The following GET4 variants were observed in gnomAD, a reference collection of about 807,000 sequenced individuals.
GET4 encodes the protein Golgi to ER traffic protein 4 homolog.
GET4 carries 20 observed loss-of-function variants against 40.0 expected under a neutral mutation model. The ratio of observed to expected loss-of-function variants is 0.50; its 90% CI spans 0.35 to 0.73. GET4 has a LOEUF of 0.73. Among genes scored for constraint, GET4 ranks in the 30% least tolerant of loss-of-function variants. GET4 has a pLI of 0.01. For missense variants in GET4, 557 were observed against 454.0 expected (o/e 1.23, Z -2.06); for synonymous variants, 280 against 194.6 (o/e 1.44, Z -3.65).
chr7:892,544 T>C, intron 6 of GET4, 126 bp downstream of exon 6: 2 of 979,562 alleles, frequency 2.0e-6, no homozygotes, highest in Non-Finnish European at 3.1e-6. Context: ...TGTGGGTATA[T>C]GCATAGGGTA....
intron 6 of GET4, among the ~76,000 whole-genome samples, chr7:893,457 TGGGCGC>T (rs1189345034): frequency 4.5e-4 from 62 of 138,888 alleles, no homozygotes; most frequent in African/African-American, 1.5e-3. Context: ...AGGTGAGTGT[TGGGCGC>T]GGGCGCGGTG....
chr7:890,954 C>A lies in GET4; in HGVS notation c.493C>A (p.His165Asn). 1 of 1,607,712 alleles carries A rather than the reference C, an allele frequency of 6.2e-7. No individual in the cohort carries two copies. Among genetic ancestry groups the A allele is most frequent in the Non-Finnish European group, 8.5e-7 (1 of 1,174,400 alleles). Residue 165 changes from histidine (H) to asparagine (N), a missense_variant, in exon 5 of 9, where the codon CAT becomes AAT. His to Asn is a moderately conservative substitution (Grantham distance 68, BLOSUM62 1). Coordinates refer to ENST00000265857, the MANE Select transcript of GET4 (RefSeq NM_015949.3). ...ACAAAACTATTGTGAGTCGAGGTAT[C>A]ATTTTCTGCACTCAGCGGACGGGGA... is the stretch of plus-strand genomic sequence containing the variant. ...KEQNYCESRY[H>N]FLHSADGEGC...
At chr7:891,242 A>T (rs1170740682) in intron 5 of GET4, among the ~76,000 whole-genome samples, 176 bp downstream of exon 5, 1 of 152,168 alleles carries the variant, frequency 6.6e-6, no homozygotes, top group Non-Finnish European at 1.5e-5. Context: ...AAGTTTAACC[A>T]ATGTTAAGAA....
Position 893,938 on chromosome 7 carries a change from C to G in GET4, c.862C>G (p.Pro288Ala). Residue 288 changes from proline to alanine, a missense_variant, in exon 8 of 9, where the codon CCC (proline) becomes GCC (alanine). By Grantham distance (27) the Pro-to-Ala change is conservative. Coordinates refer to ENST00000265857, the MANE Select transcript of GET4 (RefSeq NM_015949.3). ...RIGQLFFGVP[P>A]KQTSSYGGLL... ...AGGACAGCTGTTCTTCGGCGTCCCG[C>G]CCAAGCAGACGTCTTCCTACGGGGG... is the stretch of plus-strand genomic sequence containing the variant. The G allele has an allele frequency of 1.9e-6, 3 of 1,607,548 alleles. No individual in the cohort carries two copies. The highest frequency in any genetic ancestry group is 2.6e-6 in the Non-Finnish European group (3 of 1,176,008).
At chr7:891,223 A>C (rs1158871050) in intron 5 of GET4, among the ~76,000 whole-genome samples, 157 bp downstream of exon 5, 1 of 152,090 alleles carries the variant, frequency 6.6e-6, no homozygotes, top group African/African-American at 2.4e-5. Flanking sequence ...CTGACCCATG[A>C]TTTTTCATAA....
chr7:887,136 G>GC (rs1203218804), intron 3 of GET4: 2 of 679,714 alleles, frequency 2.9e-6, no homozygotes, highest in East Asian at 2.9e-5. Context: ...ACCTTCCCCA[G>GC]CCCCCGCCTC....
At chr7:884,221 GC>G (rs1016491577) in intron 1 of GET4, 2 of 1,303,842 alleles carry the variant, frequency 1.5e-6, no homozygotes, top group African/African-American at 1.5e-5. Flanking sequence ...TCTGCCCGTG[GC>G]CCCACTGGCG....
chr7:888,316 G>C (rs907611789), intron 4 of GET4, among the ~76,000 whole-genome samples: 2 of 152,192 alleles, frequency 1.3e-5, no homozygotes, highest in African/African-American at 4.8e-5. Context: ...CTGCATGAGG[G>C]CCCACGTACT....
Position 886,799 on chromosome 7 carries a change from T to G in GET4, c.316+149T>G, listed in dbSNP as rs569769502. 3.6e-5 allele frequency: 23 copies of G among 640,946 alleles called. No individual in the cohort carries two copies. In the South Asian group the frequency reaches 3.7e-4, roughly 10 times the overall value. 39.7% of individuals were successfully genotyped at this position (640,946 alleles called of 1,614,324 possible). On this transcript the variant is annotated intron_variant, in intron 3 of 8. Transcript: ENST00000265857. ...CTGCAGAGGCAGTTCCCACCCGGTC[T>G]CAGTGAGCCAGGCCCCCTGGCTGAC...
intron 4 of GET4, among the ~76,000 whole-genome samples, chr7:889,164 C>T (rs1237283357): frequency 1.3e-5 from 2 of 152,282 alleles, no homozygotes; most frequent in African/African-American, 2.4e-5. Flanking sequence ...GCGCTCGGCG[C>T]ATCTGCAGAG....
In GET4 at chr7:887,370, A is replaced by G; in HGVS notation, c.317A>G (p.Glu106Gly). 2 of 1,578,674 alleles carry G rather than the reference A, an allele frequency of 1.3e-6. No individual in the cohort carries two copies. The highest frequency in any genetic ancestry group is 4.5e-5 in the East Asian group (2 of 44,278). Residue 106 changes from glutamate (E) to glycine (G), a missense_variant and splice_region_variant, in exon 4 of 9, where the codon GAA (glutamate) becomes GGA (glycine). By Grantham distance (98) the Glu-to-Gly change is moderately conservative. Coordinates refer to ENST00000265857, the MANE Select transcript of GET4 (RefSeq NM_015949.3). ...TGATGAGGGTCTGTGCTGTTTGCAG[A>G]AAATCTGGCTAAAGTGTTCAGCCTG... ...AEVEVADELL[E>G]NLAKVFSLMD...
chr7:882,087 A>C (rs1226244825), intron 1 of GET4: 1 of 152,284 alleles, frequency 6.6e-6, no homozygotes, highest in African/African-American at 2.4e-5. Flanking sequence ...GACAGGCCCC[A>C]GCTTGATTCC....
intron 1 of GET4, among the ~76,000 whole-genome samples, 165 bp downstream of exon 1, chr7:876,965 T>C (rs1387914472): frequency 1.3e-5 from 2 of 151,636 alleles, no homozygotes; most frequent in Non-Finnish European, 2.9e-5. Flanking sequence ...GGGCCGCGTC[T>C]CCGGGGTCTG....
At chr7:882,636 G>A (rs890601112) in intron 1 of GET4, 2 of 150,518 alleles carry the variant, frequency 1.3e-5, no homozygotes, top group East Asian at 3.9e-4. Flanking sequence ...GGTTGTGGGC[G>A]GCCGACCTTG....
chr7:886,178 A>AG, intron 2 of GET4, 44 bp downstream of exon 2: 1 of 1,271,954 alleles, frequency 7.9e-7, no homozygotes, highest in South Asian at 1.2e-5. Flanking sequence ...TGCTCCGGGC[A>AG]GGCAAGTGGA....
At chr7:882,066 C>T (rs937789382) in intron 1 of GET4, 14 of 152,242 alleles carry the variant, frequency 9.2e-5, no homozygotes, top group African/African-American at 2.9e-4. Context: ...CCTCTTTATC[C>T]GTCTGCCGCT....
intron 1 of GET4, chr7:884,057 G>A (rs1235115639): frequency 1.7e-6 from 2 of 1,176,638 alleles, no homozygotes; most frequent in African/African-American, 3.2e-5. Flanking sequence ...TCCTCGTGCA[G>A]GAATATGGGT....
intron 3 of GET4, chr7:887,049 G>A: frequency 1.7e-6 from 1 of 583,606 alleles, no homozygotes; most frequent in African/African-American, 1.8e-5. Flanking sequence ...AGTCCCTGCT[G>A]CTCTGGGAGA....
chr7:891,617 C>G (rs1289927182), intron 5 of GET4, among the ~76,000 whole-genome samples: 2 of 152,222 alleles, frequency 1.3e-5, no homozygotes, highest in African/African-American at 4.8e-5. Flanking sequence ...TCCTTTCTCA[C>G]GAAAGCCTTA....
Sources: gnomAD v4.1 joint callset for allele counts (sites outside exome capture counted in the v4.1 genomes callset) on GRCh38, gnomAD v4.1.1 for gene constraint, MANE v1.5 for transcripts, NCBI Gene and HGNC (gene_info 2026-07-23, HGNC 2026-07-21) for gene names.